LVRN: variants seen among roughly 807,000 people sequenced by gnomAD.
The protein encoded by LVRN is laeverin.
In LVRN, 99 loss-of-function variants were observed where a neutral mutation model predicts 111.4. That is an observed-to-expected ratio of 0.89 (90% CI 0.76 to 1.05). LVRN has a LOEUF of 1.05. Ranked by LOEUF, LVRN falls within the 50% of genes least tolerant of loss-of-function variation. The pLI is 0.00. For synonymous variants in LVRN, 488 were observed against 449.5 expected (o/e 1.09, Z -1.08); for missense variants, 1,414 against 1,206.8 (o/e 1.17, Z -2.54).
At chr5:115,970,772 A>G (rs530156974) in intron 1 of LVRN, among the ~76,000 whole-genome samples, 68 of 152,342 alleles carry the variant, frequency 4.5e-4, no homozygotes, top group Middle Eastern at 3.4e-3. Flanking sequence ...TTTATCCAAC[A>G]AATTACCAAG....
Position 116,002,776 on chromosome 5 carries a change from T to G in LVRN, c.1821-59T>G, listed in dbSNP as rs980569174. On this transcript the variant is annotated intron_variant, in intron 10 of 19. Transcript: ENST00000357872. ...ATTTCATCATCTCTTTAATAGTGGC[T>G]CAGAGTGTATGTTTTTATGTGTGAA... The G allele has an allele frequency of 5.5e-5, 69 of 1,255,662 alleles. 1 individual carries two copies. In the African/African-American group the frequency reaches 9.1e-4, roughly 16 times the overall value. 77.8% of individuals were successfully genotyped at this position (1,255,662 alleles called of 1,614,324 possible).
At chr5:115,967,647 A>G (rs1753230895) in intron 1 of LVRN, among the ~76,000 whole-genome samples, 1 of 152,102 alleles carries the variant, frequency 6.6e-6, no homozygotes, top group South Asian at 2.1e-4. Context: ...TCTTATTAGG[A>G]TTTTGATAGG....
chr5:116,020,704 A>G (rs1748708701), intron 18 of LVRN, among the ~76,000 whole-genome samples: 1 of 152,212 alleles, frequency 6.6e-6, no homozygotes, highest in South Asian at 2.1e-4. Flanking sequence ...CATGGCATGG[A>G]TCAGGCTGGA....
At chr5:116,020,514 T>G (rs754197873) in intron 18 of LVRN, among the ~76,000 whole-genome samples, 1 of 152,080 alleles carries the variant, frequency 6.6e-6, no homozygotes, top group Non-Finnish European at 1.5e-5. Flanking sequence ...AAGCACTTGA[T>G]TTTTTTTCTC....
chr5:115,962,657 G>T lies in LVRN; in HGVS notation c.40G>T (p.Ala14Ser). 6.2e-7 allele frequency: 1 copy of T among 1,608,390 alleles called. No homozygotes were observed. The highest frequency in any genetic ancestry group is 8.5e-7 in the Non-Finnish European group (1 of 1,178,898). The part of the protein sequence containing the change: ...PSSSGFYVSR[A>S]VALLLAGLVA... Reference sequence around the variant, plus strand: ...CAGCTCAGGCTTCTATGTGAGCCGCGCAGTGGCCCTGCTGCTGGCTGGGCT... The same window carrying T: ...CAGCTCAGGCTTCTATGTGAGCCGCTCAGTGGCCCTGCTGCTGGCTGGGCT... The change falls in exon 1 of 20, where the codon GCA becomes TCA. Residue 14 changes from alanine to serine, a missense_variant. Coordinates refer to ENST00000357872, the MANE Select transcript of LVRN (RefSeq NM_173800.5).
chr5:116,026,263 A>G lies in LVRN; in HGVS notation c.*145A>G. On this transcript the variant is annotated 3_prime_UTR_variant, in exon 20 of 20. Transcript: ENST00000357872. ...TATTACTCAGAGTGCCATTCTTCTC[A>G]TATTGTCATGTTTGGCCCTGAGGGT... 7.9e-7 allele frequency: 1 copy of G among 1,264,768 alleles called. No individual in the cohort carries two copies. Among genetic ancestry groups the G allele is most frequent in the Non-Finnish European group, 1.1e-6 (1 of 919,924 alleles). The allele number at this position is 1,264,768 out of a possible 1,614,324, so 78.3% of individuals were successfully genotyped here.
intron 6 of LVRN, among the ~76,000 whole-genome samples, chr5:115,998,860 C>T (rs146127772): frequency 6.6e-6 from 1 of 152,236 alleles, no homozygotes; most frequent in East Asian, 1.9e-4. Flanking sequence ...TGATAATGGC[C>T]TAATCAATGG....
chr5:115,988,041 C>G, intron 4 of LVRN, 102 bp downstream of exon 4: 1 of 1,442,638 alleles, frequency 6.9e-7, no homozygotes, highest in Non-Finnish European at 9.4e-7. Flanking sequence ...TTCACCATCA[C>G]CATTTAGCTG....
At chr5:116,025,910 T>C in intron 19 of LVRN, 68 bp from the exon 20 acceptor site, 1 of 1,585,434 alleles carries the variant, frequency 6.3e-7, no homozygotes, top group Non-Finnish European at 8.6e-7. Context: ...CTACTTAGCA[T>C]TTAGACATTT....
chr5:115,972,408 T>G (rs1371346512), intron 1 of LVRN, among the ~76,000 whole-genome samples: 1 of 151,712 alleles, frequency 6.6e-6, no homozygotes, highest in Non-Finnish European at 1.5e-5. Flanking sequence ...TTGTTGCTAA[T>G]TAATTTTTGC....
intron 15 of LVRN, among the ~76,000 whole-genome samples, chr5:116,012,959 C>T (rs1580398277): frequency 6.6e-6 from 1 of 152,014 alleles, no homozygotes; most frequent in East Asian, 1.9e-4. Flanking sequence ...AAATGACTTT[C>T]ATATTACTGG....
In LVRN at chr5:115,987,854, T is replaced by G. The variant is rs1747902831; in HGVS notation, c.1020T>G (p.Ser340Arg). ...WARKDAIANG[S>R]ADFALNITGP... Reference sequence around the variant, plus strand: ...GGAAAGATGCAATTGCAAATGGAAGTGCAGACTTTGCTTTGAACATCACAG... The same window carrying G: ...GGAAAGATGCAATTGCAAATGGAAGGGCAGACTTTGCTTTGAACATCACAG... Residue 340 changes from serine (S) to arginine (R), a missense_variant, in exon 4 of 20, where the codon AGT becomes AGG. Physicochemically the swap from Ser to Arg is moderately radical, Grantham distance 110 (BLOSUM62 -1). Transcript: ENST00000357872. 1 of 1,613,432 alleles carries G rather than the reference T, an allele frequency of 6.2e-7. No individual in the cohort carries two copies. Among genetic ancestry groups the G allele is most frequent in the Non-Finnish European group, 8.5e-7 (1 of 1,179,644 alleles).
intron 13 of LVRN, among the ~76,000 whole-genome samples, chr5:116,006,401 G>T (rs553399739): frequency 1.9e-4 from 29 of 151,930 alleles, no homozygotes; most frequent in Non-Finnish European, 5.9e-5. Context: ...TCTTTAGCCA[G>T]CCGTATTGTT....
At chr5:115,979,477 C>G (rs1037814528) in intron 1 of LVRN, among the ~76,000 whole-genome samples, 11 of 152,092 alleles carry the variant, frequency 7.2e-5, no homozygotes, top group African/African-American at 2.7e-4. Flanking sequence ...TCTCCAATCT[C>G]TTTTGTCTCC....
In LVRN at chr5:116,022,227, C is replaced by A. The variant is rs1748744958; in HGVS notation, c.2757-164C>A. 7.2e-6 allele frequency: 4 copies of A among 553,424 alleles called. No homozygotes were observed. In the South Asian group the frequency reaches 9.4e-5, roughly 13 times the overall value. The allele number at this position is 553,424 out of a possible 1,614,324, so 34.3% of individuals were successfully genotyped here. ...TAACTTCCTTAGTGTTAATAGGATT[C>A]TCTATTAAAAGATGAAGCTAAACTA... On this transcript the variant is annotated intron_variant, in intron 18 of 19. Coordinates refer to ENST00000357872, the MANE Select transcript of LVRN (RefSeq NM_173800.5).
At chr5:115,964,243 C>T (rs1465424580) in intron 1 of LVRN, among the ~76,000 whole-genome samples, 2 of 152,160 alleles carry the variant, frequency 1.3e-5, no homozygotes, top group Non-Finnish European at 2.9e-5. Flanking sequence ...TACACAACTG[C>T]ATGTACTTTG....
intron 1 of LVRN, among the ~76,000 whole-genome samples, chr5:115,979,414 G>C (rs968320776): frequency 1.3e-5 from 2 of 152,020 alleles, no homozygotes; most frequent in African/African-American, 4.8e-5. Flanking sequence ...CCCTGAGAGC[G>C]TGGAAAGCTT....
chr5:115,966,452 G>A (rs902565113), intron 1 of LVRN, among the ~76,000 whole-genome samples: 15 of 152,142 alleles, frequency 9.9e-5, no homozygotes, highest in South Asian at 6.2e-4. Flanking sequence ...CATCGATTGA[G>A]GGTTATTTTA....
rs1022678338 is a variant in LVRN, at chr5:116,005,823, G to T, written c.2038-89G>T. On this transcript the variant is annotated intron_variant, in intron 12 of 19. Transcript: ENST00000357872. The stretch of plus-strand genomic sequence containing the variant: ...GTCACGTGAAGGTGCTTTATAGGCA[G>T]CAGTAATCTTTAAATTGTTGTTATT... 6.7e-6 allele frequency: 7 copies of T among 1,048,964 alleles called. No individual in the cohort carries two copies. In the East Asian group the frequency reaches 1.7e-4, roughly 25 times the overall value. The allele number at this position is 1,048,964 out of a possible 1,614,324, so 65.0% of individuals were successfully genotyped here. A position where few individuals can be genotyped will look rare whatever the true frequency, so the allele number is the denominator to read the frequency against.
Sources: allele counts gnomAD v4.1 joint callset (sites outside exome capture counted in the v4.1 genomes callset), GRCh38; gene constraint gnomAD v4.1.1; transcripts MANE v1.5; gene names NCBI Gene and HGNC (gene_info 2026-07-23, HGNC 2026-07-21).